The following SMIM35 variants were observed in gnomAD, a reference collection of about 807,000 sequenced individuals.
The protein encoded by SMIM35 is small integral membrane protein 35.
At chr11:118,053,034 G>A (rs189164267) in intron 1 of SMIM35, among the ~76,000 whole-genome samples, 3 of 152,228 alleles carry the variant, frequency 2.0e-5, no homozygotes, top group South Asian at 2.1e-4. Flanking sequence ...AGCCGGGTCC[G>A]GTGGCTCACA....
intron 1 of SMIM35, among the ~76,000 whole-genome samples, chr11:118,019,676 G>A (rs11216694): frequency 0.097 from 14,605 of 151,170 alleles, 969 homozygotes; most frequent in East Asian, 0.37. Context: ...TCTCTCCTCC[G>A]AGACATACTC....
Position 118,058,807 on chromosome 11 carries a change from T to G in SMIM35, c.7+27944A>C, listed in dbSNP as rs552539576. Among the ~76,000 whole-genome samples, 5 of 152,340 alleles carry G rather than the reference T, an allele frequency of 3.3e-5. No individual in the cohort carries two copies. The East Asian group carries it at 9.6e-4, about 29-fold the overall frequency. ...GAAGGAATGGGGTGGGAGCTGTCCT[T>G]CTGCAGAACAGGAAGCCACAGCTTC... On this transcript the variant is annotated intron_variant, in intron 1 of 4. Coordinates refer to ENST00000689828, the MANE Select transcript of SMIM35 (RefSeq NM_001394165.1).
intron 1 of SMIM35, among the ~76,000 whole-genome samples, chr11:118,080,821 C>A (rs138778962): frequency 1.3e-5 from 2 of 152,174 alleles, no homozygotes; most frequent in Non-Finnish European, 2.9e-5. Flanking sequence ...AAAATCTCCA[C>A]GGCCTCAGAC....
chr11:118,071,389 C>A (rs1944569063), intron 1 of SMIM35, among the ~76,000 whole-genome samples: 1 of 152,238 alleles, frequency 6.6e-6, no homozygotes, highest in African/African-American at 2.4e-5. Flanking sequence ...AGAAGGACTG[C>A]TAAGCAGTAG....
At chr11:118,020,281 T>C (rs1214260430) in intron 1 of SMIM35, among the ~76,000 whole-genome samples, 1 of 152,080 alleles carries the variant, frequency 6.6e-6, no homozygotes, top group Non-Finnish European at 1.5e-5. Flanking sequence ...ACTGACTAAA[T>C]AAATAAATAT....
intron 1 of SMIM35, among the ~76,000 whole-genome samples, chr11:118,027,905 A>G (rs996066865): frequency 2.0e-5 from 3 of 152,236 alleles, no homozygotes; most frequent in Non-Finnish European, 4.4e-5. Flanking sequence ...ATTAAGATGC[A>G]AGTGTTGCAT....
chr11:118,037,882 A>G (rs994527156), intron 1 of SMIM35, among the ~76,000 whole-genome samples: 3 of 152,180 alleles, frequency 2.0e-5, no homozygotes, highest in African/African-American at 7.2e-5. Context: ...CCCTGACAGC[A>G]CACCTAGGGC....
At chr11:118,028,502 T>C (rs2058292130) in intron 1 of SMIM35, among the ~76,000 whole-genome samples, 1 of 152,222 alleles carries the variant, frequency 6.6e-6, no homozygotes, top group African/African-American at 2.4e-5. Flanking sequence ...TAGTCCTGGG[T>C]CTGGCCAAAA....
At chr11:118,036,118 C>T (rs1297389784) in intron 1 of SMIM35, among the ~76,000 whole-genome samples, 1 of 151,984 alleles carries the variant, frequency 6.6e-6, no homozygotes, top group Non-Finnish European at 1.5e-5. Context: ...AACTCCTGAC[C>T]TCAAGTGATC....
Position 118,054,678 on chromosome 11 carries a change from G to T in SMIM35, c.7+32073C>A, listed in dbSNP as rs566473426. On this transcript the variant is annotated intron_variant, in intron 1 of 4. Transcript: ENST00000689828. ...GTATGTTATCACTGCCTATTTTATT[G>T]TGTAATGTACACTATAAAGTGTCCT... Among the ~76,000 whole-genome samples the T allele has an allele frequency of 3.9e-5, 6 of 152,064 alleles. No individual in the cohort carries two copies. In the South Asian group the frequency reaches 1.0e-3, roughly 26 times the overall value.
intron 1 of SMIM35, among the ~76,000 whole-genome samples, chr11:118,053,715 C>T (rs1462671177): frequency 6.6e-6 from 1 of 152,190 alleles, no homozygotes; most frequent in Non-Finnish European, 1.5e-5. Context: ...AGGCTCAAGT[C>T]CTACCATTTA....
At chr11:118,065,266 G>C (rs564144869) in intron 1 of SMIM35, among the ~76,000 whole-genome samples, 1 of 152,162 alleles carries the variant, frequency 6.6e-6, no homozygotes, top group Non-Finnish European at 1.5e-5. Flanking sequence ...CAAAGCTTTG[G>C]CCTAGAGCAC....
intron 1 of SMIM35, among the ~76,000 whole-genome samples, chr11:118,028,374 C>A (rs952910476): frequency 2.6e-5 from 4 of 152,170 alleles, no homozygotes; most frequent in Admixed American, 6.5e-5. Flanking sequence ...ACAAGACAGG[C>A]CTGTGGGGAC....
At chr11:118,012,156 A>T (rs1040746471) in intron 4 of SMIM35, among the ~76,000 whole-genome samples, 14 of 152,212 alleles carry the variant, frequency 9.2e-5, no homozygotes, top group Admixed American at 7.2e-4. Flanking sequence ...GGCTGCTAGC[A>T]GAGAGGCTGG....
chr11:118,011,593 G>A (rs146940822), intron 4 of SMIM35, among the ~76,000 whole-genome samples: 263 of 152,314 alleles, frequency 1.7e-3, no homozygotes, highest in African/African-American at 6.2e-3. Context: ...TTGGGAGGCT[G>A]AGGCAGGAGG....
intron 1 of SMIM35, among the ~76,000 whole-genome samples, chr11:118,035,141 G>A (rs541999292): frequency 5.9e-5 from 9 of 152,004 alleles, no homozygotes; most frequent in African/African-American, 1.7e-4. Flanking sequence ...TAGTAGAGAC[G>A]GAGTTTCACC....
chr11:118,031,211 T>C lies in SMIM35; in HGVS notation c.8-15402A>G, dbSNP rs1204752660. Among the ~76,000 whole-genome samples, 6 of 152,152 alleles carry C rather than the reference T, an allele frequency of 3.9e-5. No individual in the cohort carries two copies. The East Asian group carries it at 9.6e-4, about 24-fold the overall frequency. ...AGTTTAATACACATATAAATAGATA[T>C]AGAAACGGACATAGACCTGTATGGA... On this transcript the variant is annotated intron_variant, in intron 1 of 4. Transcript: ENST00000689828.
At chr11:118,078,036 A>AGG in intron 1 of SMIM35, among the ~76,000 whole-genome samples, 1 of 94,414 alleles carries the variant, frequency 1.1e-5, no homozygotes, top group Non-Finnish European at 2.2e-5. Flanking sequence ...AAAAAAAAAA[A>AGG]AAAAAAAAGA....
chr11:118,025,674 T>C (rs1293169422), intron 1 of SMIM35: 2 of 447,746 alleles, frequency 4.5e-6, no homozygotes, highest in South Asian at 1.6e-5. Flanking sequence ...CCAAGTTCCT[T>C]ATAGATTCTA....
Sources: gnomAD v4.1 joint callset for allele counts (sites outside exome capture counted in the v4.1 genomes callset) on GRCh38, gnomAD v4.1.1 for gene constraint, MANE v1.5 for transcripts, NCBI Gene and HGNC (gene_info 2026-07-23, HGNC 2026-07-21) for gene names.